The following PRH1 variants were observed in gnomAD, a reference collection of about 807,000 sequenced individuals.
PRH1 encodes the protein salivary acidic proline-rich phosphoprotein 1/2.
A neutral mutation model predicts 7.9 loss-of-function variants in PRH1; 7 were observed. The observed-to-expected ratio is 0.89, with a 90% confidence interval of 0.50 to 1.67. PRH1 has a LOEUF of 1.67. Ranked by LOEUF, PRH1 falls within the 40% of genes most tolerant of loss-of-function variation. The pLI is 0.00. For synonymous variants in PRH1, 45 were observed against 80.8 expected (o/e 0.56, Z 2.38); for missense variants, 109 against 223.6 (o/e 0.49, Z 3.27).
intron 1 of PRH1, among the ~76,000 whole-genome samples, chr12:11,128,114 A>AAAAAAAAG (rs1301577415): frequency 2.0e-5 from 3 of 151,086 alleles, no homozygotes; most frequent in Non-Finnish European, 4.4e-5. Context: ...CAGTCTCAAA[A>AAAAAAAAG]AAAAAAAAAA....
At chr12:11,049,597 T>A (rs553188760), upstream of PRH1, among the ~76,000 whole-genome samples, 59 of 152,326 alleles carry the variant, frequency 3.9e-4, no homozygotes, top group Middle Eastern at 0.01. Context: ...TAAAGGCATT[T>A]TTTTAATTGT....
At chr12:11,036,856 G>A (rs1942450566) in intron 1 of PRH1, among the ~76,000 whole-genome samples, 1 of 152,156 alleles carries the variant, frequency 6.6e-6, no homozygotes, top group Non-Finnish European at 1.5e-5. Context: ...AATGATGATG[G>A]CAGGTGAAAG....
In PRH1 at chr12:11,096,218, C is replaced by T. The variant is rs1391367351; in HGVS notation, n.124-49030G>A. Among the ~76,000 whole-genome samples, 5 of 115,492 alleles carry T rather than the reference C, an allele frequency of 4.3e-5. 1 individual carries two copies. The highest frequency in any genetic ancestry group is 2.6e-4 in the Admixed American group (3 of 11,484). The allele number at this position is 115,492 out of a possible 152,430, so 75.8% of individuals were successfully genotyped here. On this transcript the variant is annotated intron_variant and non_coding_transcript_variant, in intron 1 of 4. Coordinates refer to the PRH1 transcript ENST00000541977. The stretch of plus-strand genomic sequence containing the variant: ...ATGTTAGTTGTTCTGATTGTAGCTT[C>T]ACTGTCTGTGGCCCTCTAGCCTTAT...
At chr12:10,920,760 T>G (rs1232917883) in intron 2 of PRH1, among the ~76,000 whole-genome samples, 1 of 152,098 alleles carries the variant, frequency 6.6e-6, no homozygotes, top group African/African-American at 2.4e-5. Context: ...GTGTATTAGT[T>G]AAATGACCTA....
chr12:10,898,555 T>A (rs1202046185), intron 2 of PRH1, among the ~76,000 whole-genome samples: 1 of 152,210 alleles, frequency 6.6e-6, no homozygotes, highest in African/African-American at 2.4e-5. Flanking sequence ...CAACTATTTT[T>A]AAATGCCCTT....
chr12:11,044,641 G>C (rs890555581), intron 1 of PRH1, among the ~76,000 whole-genome samples: 8 of 152,070 alleles, frequency 5.3e-5, no homozygotes, highest in African/African-American at 1.7e-4. Context: ...TGAAAGATTT[G>C]AATATGCATT....
intron 1 of PRH1, chr12:10,986,842 TGTATA>T: frequency 6.5e-7 from 1 of 1,536,414 alleles, no homozygotes; most frequent in Non-Finnish European, 8.7e-7. Context: ...GAAAAAAAAA[TGTATA>T]GAAAAGTTAT....
At chr12:11,077,814 A>C (rs1353701369) in intron 1 of PRH1, 2 of 1,092,014 alleles carry the variant, frequency 1.8e-6, no homozygotes, top group Non-Finnish European at 2.8e-6. Flanking sequence ...TCACAGCAAG[A>C]TTACAAATCA....
chr12:10,944,853 A>T (rs1247797955), intron 2 of PRH1, among the ~76,000 whole-genome samples: 2 of 152,118 alleles, frequency 1.3e-5, no homozygotes, highest in Non-Finnish European at 2.9e-5. Flanking sequence ...TTATGTGATG[A>T]ATCATATTTA....
At chr12:11,021,748 T>C (rs1325959881) in intron 1 of PRH1, 4 of 1,614,166 alleles carry the variant, frequency 2.5e-6, no homozygotes, top group Non-Finnish European at 3.4e-6. Context: ...GATGAATGAG[T>C]GGAATGAAGG....
intron 1 of PRH1, among the ~76,000 whole-genome samples, chr12:11,170,524 G>A (rs886350747): frequency 6.6e-6 from 1 of 152,210 alleles, no homozygotes; most frequent in Non-Finnish European, 1.5e-5. Flanking sequence ...TCCAGCCTGG[G>A]CGACAGAGCG....
At chr12:10,950,819 A>C (rs1950559233) in intron 2 of PRH1, among the ~76,000 whole-genome samples, 2 of 151,978 alleles carry the variant, frequency 1.3e-5, no homozygotes, top group Admixed American at 6.6e-5. Flanking sequence ...TATAGGCATC[A>C]TAGGAAAATA....
chr12:11,030,314 A>C (rs1942126511), intron 1 of PRH1: 13 of 1,532,596 alleles, frequency 8.5e-6, no homozygotes, highest in Non-Finnish European at 1.1e-5. Context: ...TCATACACAT[A>C]CAGTATAGAA....
chr12:10,905,855 T>C (rs1949795205), intron 2 of PRH1, among the ~76,000 whole-genome samples: 1 of 152,222 alleles, frequency 6.6e-6, no homozygotes. Flanking sequence ...AAATAGGAAC[T>C]ATACAATTTT....
chr12:10,994,268 T>C (rs80351330), intron 1 of PRH1, among the ~76,000 whole-genome samples: 1,798 of 152,226 alleles, frequency 0.012, 33 homozygotes, highest in African/African-American at 0.041. Flanking sequence ...CATCAAGGGA[T>C]TGGATGATGG....
chr12:11,013,058 T>C (rs1373356514), intron 1 of PRH1, among the ~76,000 whole-genome samples: 1 of 152,038 alleles, frequency 6.6e-6, no homozygotes, highest in African/African-American at 2.4e-5. Context: ...CTCAGTGCAA[T>C]CCCTATCAAA....
intron 1 of PRH1, among the ~76,000 whole-genome samples, chr12:11,021,297 T>C (rs1047848037): frequency 2.0e-5 from 3 of 152,138 alleles, no homozygotes; most frequent in African/African-American, 7.2e-5. Context: ...ATATATGTGG[T>C]ACAAATTACA....
chr12:10,917,141 G>T (rs1017198828), intron 2 of PRH1, among the ~76,000 whole-genome samples: 1 of 151,996 alleles, frequency 6.6e-6, no homozygotes, highest in Non-Finnish European at 1.5e-5. Flanking sequence ...ATATTTGTAC[G>T]TATGAGATAA....
chr12:11,105,610 C>A (rs1945386196), intron 1 of PRH1, among the ~76,000 whole-genome samples: 2 of 152,174 alleles, frequency 1.3e-5, no homozygotes. Context: ...GATTTCTCAT[C>A]TACTAGCATG....
Sources: allele counts gnomAD v4.1 joint callset (sites outside exome capture counted in the v4.1 genomes callset), GRCh38; gene constraint gnomAD v4.1.1; transcripts MANE v1.5; gene names NCBI Gene and HGNC (gene_info 2026-07-23, HGNC 2026-07-21).